Variants in DYM observed in about 807,000 individuals in gnomAD.
DYM encodes the protein dyggve-Melchior-Clausen syndrome protein.
Under a neutral mutation model 93.1 loss-of-function variants are expected in DYM, and 78 were observed. The ratio of observed to expected loss-of-function variants is 0.84; its 90% CI spans 0.70 to 1.01. The LOEUF (loss-of-function observed/expected upper bound fraction) is 1.01. Among genes scored for constraint, DYM ranks in the 50% least tolerant of loss-of-function variants. DYM has a pLI of 0.00. For missense variants in DYM, 789 were observed against 845.0 expected (o/e 0.93, Z 0.82); for synonymous variants, 321 against 319.7 (o/e 1.00, Z -0.04).
At chr18:49,423,485 C>T (rs1303896991) in intron 2 of DYM, among the ~76,000 whole-genome samples, 1 of 152,110 alleles carries the variant, frequency 6.6e-6, no homozygotes, top group Non-Finnish European at 1.5e-5. Context: ...ATTAAAAGAA[C>T]TAGAGAAGCA....
intron 13 of DYM, among the ~76,000 whole-genome samples, chr18:49,222,204 T>C (rs998048506): frequency 1.3e-5 from 2 of 152,056 alleles, no homozygotes; most frequent in Non-Finnish European, 2.9e-5. Context: ...AAAAACATTA[T>C]ATTTATGTTA....
In DYM at chr18:49,333,724, A is replaced by C. The variant is rs201652921; in HGVS notation, c.620+4T>G. ...AACTAGACATACTTAAAGTAGAAACATACCATGGACCTCGCATCAAATACT... is the reference window on the plus strand; with the variant it reads ...AACTAGACATACTTAAAGTAGAAACCTACCATGGACCTCGCATCAAATACT... On this transcript the variant is annotated splice_donor_region_variant and intron_variant, in intron 7 of 17. Transcript: ENST00000675505. The C allele has an allele frequency of 2.4e-3, 3,830 of 1,613,816 alleles. 6 individuals are homozygous for C. The highest frequency in any genetic ancestry group is 3.0e-3 in the Non-Finnish European group (3,507 of 1,179,782).
chr18:49,145,107 T>TCACATATATA (rs200335689), intron 15 of DYM, among the ~76,000 whole-genome samples: 1 of 31,304 alleles, frequency 3.2e-5, no homozygotes, highest in Non-Finnish European at 4.7e-5. Flanking sequence ...TCAAAAAAAT[T>TCACATATATA]CATATATATA....
intron 16 of DYM, among the ~76,000 whole-genome samples, chr18:49,105,960 C>T (rs544146257): frequency 1.3e-5 from 2 of 152,066 alleles, no homozygotes; most frequent in Non-Finnish European, 2.9e-5. Flanking sequence ...TCCTGGATAT[C>T]CTTGTTAACT....
At position 49,317,594 on chromosome 18, in the gene DYM, T is replaced by C. The variant is rs62104616; in HGVS notation, c.763+14270A>G. On this transcript the variant is annotated intron_variant, in intron 8 of 17. Coordinates refer to ENST00000675505, the MANE Select transcript of DYM (RefSeq NM_001353214.3). Reference sequence around the variant, plus strand: ...CTCTCTCTCTCTCTCTCTCTCTCTCTCTCCCCCCTCCCCCCTCCCTCCCTC... The same window carrying C: ...CTCTCTCTCTCTCTCTCTCTCTCTCCCTCCCCCCTCCCCCCTCCCTCCCTC... Among the ~76,000 whole-genome samples, 139 of 28,000 alleles carry C rather than the reference T, an allele frequency of 5.0e-3. 7 individuals carry two copies. The highest frequency in any genetic ancestry group is 0.022 in the Middle Eastern group (1 of 46). The allele number at this position is 28,000 out of a possible 152,430, so 18.4% of individuals were successfully genotyped here.
At chr18:49,385,817 G>A (rs1468312109) in intron 3 of DYM, among the ~76,000 whole-genome samples, 2 of 151,988 alleles carry the variant, frequency 1.3e-5, no homozygotes, top group Non-Finnish European at 2.9e-5. Flanking sequence ...TGAGGTGGGA[G>A]GCATGCTTGG....
chr18:49,398,404 G>C (rs1460879053), intron 2 of DYM, among the ~76,000 whole-genome samples: 1 of 152,166 alleles, frequency 6.6e-6, no homozygotes, highest in Non-Finnish European at 1.5e-5. Flanking sequence ...TCCAGGGATA[G>C]ACATCTAACC....
At chr18:49,348,286 C>G (rs1399280457) in intron 6 of DYM, among the ~76,000 whole-genome samples, 5 of 152,112 alleles carry the variant, frequency 3.3e-5, no homozygotes, top group African/African-American at 7.2e-5. Context: ...TCAATGCATG[C>G]CAACATGGAG....
chr18:49,306,902 C>T (rs571417506), intron 8 of DYM, among the ~76,000 whole-genome samples: 17 of 151,960 alleles, frequency 1.1e-4, no homozygotes, highest in African/African-American at 1.7e-4. Flanking sequence ...AAGAGTATGA[C>T]GAAAATATCT....
chr18:49,145,340 G>A (rs2085005895), intron 15 of DYM, among the ~76,000 whole-genome samples: 4 of 151,456 alleles, frequency 2.6e-5, no homozygotes, highest in African/African-American at 4.8e-5. Flanking sequence ...TCACTTAGAT[G>A]TTCAGTTATG....
chr18:49,456,212 G>A (rs111554998), intron 1 of DYM, among the ~76,000 whole-genome samples: 27 of 152,316 alleles, frequency 1.8e-4, no homozygotes, highest in African/African-American at 5.5e-4. Flanking sequence ...AAACTACAAG[G>A]AGGCTGGGTT....
At chr18:49,052,007 G>A (rs1156497542) in intron 17 of DYM, among the ~76,000 whole-genome samples, 1 of 152,206 alleles carries the variant, frequency 6.6e-6, no homozygotes, top group Non-Finnish European at 1.5e-5. Flanking sequence ...TGTTCCTTAG[G>A]GTTGTTTGCC....
chr18:49,102,792 C>A (rs1487957597), intron 16 of DYM, among the ~76,000 whole-genome samples: 2 of 152,170 alleles, frequency 1.3e-5, no homozygotes, highest in South Asian at 4.1e-4. Flanking sequence ...ATATGTGCCA[C>A]ATTTTCTTAA....
chr18:49,216,240 G>A (rs550851881), intron 13 of DYM, among the ~76,000 whole-genome samples: 70 of 152,330 alleles, frequency 4.6e-4, no homozygotes, highest in African/African-American at 1.5e-3. Context: ...GGTAAATAAA[G>A]CAGCCGGGAA....
intron 17 of DYM, among the ~76,000 whole-genome samples, chr18:49,065,716 GA>G (rs537536891): frequency 8.0e-5 from 12 of 150,680 alleles, no homozygotes; most frequent in African/African-American, 2.9e-4. Context: ...ATTATTCACT[GA>G]AAAAAAATTA....
chr18:49,435,356 T>A (rs1001758206), intron 1 of DYM, among the ~76,000 whole-genome samples: 2 of 151,398 alleles, frequency 1.3e-5, no homozygotes, highest in Non-Finnish European at 2.9e-5. Context: ...GTTATTGTAT[T>A]ATTTAAAAGC....
chr18:49,327,971 G>A (rs1539965), intron 8 of DYM, among the ~76,000 whole-genome samples: 107,362 of 152,024 alleles, frequency 0.71, 38,070 homozygotes, highest in Admixed American at 0.75. Flanking sequence ...ACAAAAGGCA[G>A]AAACAGCAAA....
chr18:49,380,648 A>C (rs1330719654), intron 3 of DYM, among the ~76,000 whole-genome samples: 2 of 152,226 alleles, frequency 1.3e-5, no homozygotes, highest in African/African-American at 4.8e-5. Flanking sequence ...ATTGGACTTA[A>C]GGAAACTATA....
chr18:49,065,895 A>G (rs2076350857), intron 17 of DYM, among the ~76,000 whole-genome samples: 1 of 152,218 alleles, frequency 6.6e-6, no homozygotes, highest in Non-Finnish European at 1.5e-5. Flanking sequence ...ATGCAAATGG[A>G]AAGAGGGAGA....
Sources: allele counts gnomAD v4.1 joint callset (sites outside exome capture counted in the v4.1 genomes callset), GRCh38; gene constraint gnomAD v4.1.1; transcripts MANE v1.5; gene names NCBI Gene and HGNC (gene_info 2026-07-23, HGNC 2026-07-21).